The following PITPNC1 variants were observed in gnomAD, a reference collection of about 807,000 sequenced individuals.
PITPNC1 encodes phosphatidylinositol transfer protein cytoplasmic 1.
In PITPNC1, 18 loss-of-function variants were observed where a neutral mutation model predicts 44.7. The ratio of observed to expected loss-of-function variants is 0.40; its 90% CI spans 0.28 to 0.60. The LOEUF is 0.60. Ranked by LOEUF, PITPNC1 falls within the 20% of genes least tolerant of loss-of-function variation. The probability of loss-of-function intolerance (pLI) is 0.39; values close to 1 mark genes in which losing one functional copy is unlikely to be tolerated. For synonymous variants in PITPNC1, 141 were observed against 149.6 expected, an observed-to-expected ratio of 0.94 and a Z score of 0.42; for missense variants, 290 against 418.4, an observed-to-expected ratio of 0.69 and a Z score of 2.68.
chr17:67,563,311 G>A (rs985933337), intron 4 of PITPNC1, among the ~76,000 whole-genome samples: 2 of 152,138 alleles, frequency 1.3e-5, no homozygotes, highest in African/African-American at 2.4e-5. Flanking sequence ...CAGGGAACAC[G>A]TTCTACATAC....
At chr17:67,679,557 A>G (rs937427642) in intron 8 of PITPNC1, among the ~76,000 whole-genome samples, 2 of 152,212 alleles carry the variant, frequency 1.3e-5, no homozygotes, top group African/African-American at 4.8e-5. Flanking sequence ...GTCAAGAAAA[A>G]AGGACATTGT....
At chr17:67,590,358 C>T (rs182204555) in intron 5 of PITPNC1, among the ~76,000 whole-genome samples, 4 of 152,262 alleles carry the variant, frequency 2.6e-5, no homozygotes, top group Admixed American at 1.3e-4. Context: ...TATCCTCAGT[C>T]GGAAGACAAT....
intron 1 of PITPNC1, among the ~76,000 whole-genome samples, chr17:67,403,759 C>G (rs1030899728): frequency 6.6e-6 from 1 of 152,174 alleles, no homozygotes; most frequent in Non-Finnish European, 1.5e-5. Flanking sequence ...TTATGTCTCA[C>G]GGCTGTAATC....
At chr17:67,491,274 G>C (rs900729343) in intron 1 of PITPNC1, among the ~76,000 whole-genome samples, 1 of 152,232 alleles carries the variant, frequency 6.6e-6, no homozygotes, top group Non-Finnish European at 1.5e-5. Context: ...CCAGGAACCC[G>C]CAGGACACTG....
chr17:67,396,855 A>G (rs918850806), intron 1 of PITPNC1, among the ~76,000 whole-genome samples: 2 of 151,194 alleles, frequency 1.3e-5, no homozygotes, highest in Non-Finnish European at 3.0e-5. Context: ...GGGTCTTGCT[A>G]TGTTGCCCAG....
intron 8 of PITPNC1, among the ~76,000 whole-genome samples, chr17:67,688,992 C>T (rs1425329283): frequency 3.3e-5 from 5 of 152,202 alleles, no homozygotes; most frequent in Admixed American, 6.5e-5. Flanking sequence ...CACCTGAGGT[C>T]GGGAGTTCAA....
At chr17:67,493,067 C>T (rs2039885482) in intron 1 of PITPNC1, among the ~76,000 whole-genome samples, 1 of 152,118 alleles carries the variant, frequency 6.6e-6, no homozygotes, top group African/African-American at 2.4e-5. Flanking sequence ...TAGCTATTGC[C>T]AGTTTTCCTA....
chr17:67,482,513 T>C (rs1000264360), intron 1 of PITPNC1, among the ~76,000 whole-genome samples: 1 of 152,180 alleles, frequency 6.6e-6, no homozygotes, highest in African/African-American at 2.4e-5. Flanking sequence ...CCCAAAAATA[T>C]GTTGTTTTAT....
chr17:67,603,975 C>G (rs2041576169), intron 5 of PITPNC1, among the ~76,000 whole-genome samples: 1 of 151,670 alleles, frequency 6.6e-6, no homozygotes, highest in Admixed American at 6.6e-5. Context: ...ATGGAGTCAG[C>G]TGCTCTAAAG....
chr17:67,611,040 G>C (rs528871103), intron 5 of PITPNC1, among the ~76,000 whole-genome samples: 4 of 152,214 alleles, frequency 2.6e-5, no homozygotes, highest in Admixed American at 2.6e-4. Flanking sequence ...TAAACTACTA[G>C]GAAATAAATG....
At chr17:67,656,496 C>A (rs1481567443) in intron 6 of PITPNC1, among the ~76,000 whole-genome samples, 1 of 152,190 alleles carries the variant, frequency 6.6e-6, no homozygotes, top group Non-Finnish European at 1.5e-5. Context: ...CTGCAAGGAC[C>A]TTTCCCAAAT....
intron 5 of PITPNC1, among the ~76,000 whole-genome samples, chr17:67,586,852 C>T (rs897044819): frequency 6.6e-6 from 1 of 152,136 alleles, no homozygotes; most frequent in Non-Finnish European, 1.5e-5. Context: ...AAAGGCAAGA[C>T]TGGAAGCAGG....
At chr17:67,446,768 A>G (rs1732959684) in intron 1 of PITPNC1, among the ~76,000 whole-genome samples, 1 of 151,824 alleles carries the variant, frequency 6.6e-6, no homozygotes, top group African/African-American at 2.4e-5. Flanking sequence ...TGCACCTGAC[A>G]GCCATAACCG....
chr17:67,523,029 A>C (rs1282908677), intron 1 of PITPNC1, among the ~76,000 whole-genome samples: 1 of 152,074 alleles, frequency 6.6e-6, no homozygotes, highest in Non-Finnish European at 1.5e-5. Flanking sequence ...CATTGTTGCA[A>C]AACCATCATC....
At chr17:67,405,012 C>T (rs992058947) in intron 1 of PITPNC1, among the ~76,000 whole-genome samples, 8 of 151,970 alleles carry the variant, frequency 5.3e-5, no homozygotes, top group Admixed American at 4.6e-4. Flanking sequence ...TTTGGGAGGC[C>T]GAGGCAGGCA....
At chr17:67,587,809 T>G (rs536100218) in intron 5 of PITPNC1, among the ~76,000 whole-genome samples, 1 of 152,326 alleles carries the variant, frequency 6.6e-6, no homozygotes, top group East Asian at 1.9e-4. Flanking sequence ...GGGTGCCTCC[T>G]TCGGGTAAAT....
intron 5 of PITPNC1, among the ~76,000 whole-genome samples, chr17:67,588,820 CA>C (rs920719890): frequency 6.6e-6 from 1 of 152,204 alleles, no homozygotes; most frequent in African/African-American, 2.4e-5. Flanking sequence ...TCCATATTTA[CA>C]GGTCTCTGGA....
intron 4 of PITPNC1, among the ~76,000 whole-genome samples, chr17:67,574,161 C>T (rs1033170438): frequency 2.0e-5 from 3 of 152,118 alleles, no homozygotes; most frequent in Admixed American, 6.5e-5. Context: ...TCCTACAGAG[C>T]GGAAAAGGAT....
At chr17:67,462,513 T>C (rs1216431542) in intron 1 of PITPNC1, among the ~76,000 whole-genome samples, 1 of 147,378 alleles carries the variant, frequency 6.8e-6, no homozygotes, top group African/African-American at 2.5e-5. Context: ...AATACAGGCG[T>C]GAGCCACCGT....
Sources: allele counts gnomAD v4.1 joint callset (sites outside exome capture counted in the v4.1 genomes callset), GRCh38; gene constraint gnomAD v4.1.1; transcripts MANE v1.5; gene names NCBI Gene and HGNC (gene_info 2026-07-23, HGNC 2026-07-21).